VAV3: variants seen among roughly 807,000 people sequenced by gnomAD.
The protein encoded by VAV3 is vav guanine nucleotide exchange factor 3, also known as guanine nucleotide exchange factor VAV3.
In VAV3, 94 loss-of-function variants were observed where a neutral mutation model predicts 131.2. That is an observed-to-expected ratio of 0.72 (90% CI 0.61 to 0.85). The LOEUF (loss-of-function observed/expected upper bound fraction) is 0.85, where lower values mean the gene tolerates loss of function less well. Among genes scored for constraint, VAV3 ranks in the 40% least tolerant of loss-of-function variants. VAV3 has a pLI of 0.00. For missense variants in VAV3, 939 were observed against 1,002.7 expected, an observed-to-expected ratio of 0.94 and a Z score of 0.86; for synonymous variants, 349 against 342.0, an observed-to-expected ratio of 1.02 and a Z score of -0.22.
intron 1 of VAV3, among the ~76,000 whole-genome samples, chr1:107,959,827 G>A (rs1674997053): frequency 6.6e-6 from 1 of 152,070 alleles, no homozygotes; most frequent in African/African-American, 2.4e-5. Context: ...ATCATAACTA[G>A]CTCCAGATAT....
chr1:107,574,103 TCAC>T lies in VAV3; in HGVS notation c.2443_2445del (p.Val815del). On this transcript the variant is annotated inframe_deletion, in exon 26 of 27. Transcript: ENST00000370056. ...TTTGCACTCATCTTTGTGTAAATCT[TCAC>T]CACATCTCCTTTCAACAAGGACAAC... 13 of 1,614,166 alleles carry T rather than the reference TCAC, an allele frequency of 8.1e-6. No homozygotes were observed. Among genetic ancestry groups the T allele is most frequent in the Non-Finnish European group, 1.1e-5 (13 of 1,180,024 alleles).
chr1:107,619,603 A>G (rs1653417166), intron 20 of VAV3, among the ~76,000 whole-genome samples: 1 of 152,188 alleles, frequency 6.6e-6, no homozygotes, highest in Non-Finnish European at 1.5e-5. Flanking sequence ...GCTTTAAAAA[A>G]CAAACAAGAC....
intron 12 of VAV3, 103 bp from the exon 13 acceptor site, chr1:107,751,305 A>C: frequency 4.4e-6 from 4 of 902,656 alleles, no homozygotes; most frequent in Non-Finnish European, 5.1e-6. Flanking sequence ...TATTACATTA[A>C]AATGTTACCA....
intron 2 of VAV3, among the ~76,000 whole-genome samples, chr1:107,806,858 T>C (rs981988961): frequency 1.3e-5 from 2 of 152,230 alleles, no homozygotes; most frequent in Non-Finnish European, 2.9e-5. Flanking sequence ...AAGTCCCTGA[T>C]ATAAAATGAC....
chr1:107,811,312 G>C (rs1667305273), intron 2 of VAV3, among the ~76,000 whole-genome samples: 1 of 151,910 alleles, frequency 6.6e-6, no homozygotes, highest in South Asian at 2.1e-4. Flanking sequence ...GGAAGAATGA[G>C]CTTGACCACC....
chr1:107,720,428 T>TAAATA (rs1220503756), intron 15 of VAV3, among the ~76,000 whole-genome samples: 547 of 114,606 alleles, frequency 4.8e-3, no homozygotes, highest in South Asian at 0.012. Context: ...AATAAATAAA[T>TAAATA]AAAAGTTCCA....
intron 5 of VAV3, 94 bp downstream of exon 5, chr1:107,772,641 A>C: frequency 9.0e-7 from 1 of 1,109,538 alleles, no homozygotes; most frequent in Non-Finnish European, 1.3e-6. Context: ...AAAGGTTAAA[A>C]AAAATCCCAG....
chr1:107,782,128 C>A (rs1665722692), intron 2 of VAV3, among the ~76,000 whole-genome samples: 1 of 152,094 alleles, frequency 6.6e-6, no homozygotes, highest in South Asian at 2.1e-4. Context: ...GTGGTCCCAG[C>A]ATATATCACT....
intron 15 of VAV3, among the ~76,000 whole-genome samples, chr1:107,723,349 C>A (rs894508113): frequency 6.6e-6 from 1 of 152,046 alleles, no homozygotes; most frequent in Non-Finnish European, 1.5e-5. Flanking sequence ...TTTCTCTCCA[C>A]ACAAATTCAC....
At chr1:107,628,642 C>A (rs982349689) in intron 20 of VAV3, among the ~76,000 whole-genome samples, 8 of 152,178 alleles carry the variant, frequency 5.3e-5, no homozygotes, top group South Asian at 2.1e-4. Context: ...ACTATTTTTT[C>A]TACCAAAAAA....
At chr1:107,587,751 G>A (rs557469770) in intron 25 of VAV3, among the ~76,000 whole-genome samples, 51 of 151,984 alleles carry the variant, frequency 3.4e-4, no homozygotes, top group Admixed American at 1.5e-3. Context: ...CCACCACACC[G>A]GGCTAATTTT....
chr1:107,759,287 A>G (rs992055601), intron 10 of VAV3, among the ~76,000 whole-genome samples: 5 of 152,210 alleles, frequency 3.3e-5, no homozygotes, highest in African/African-American at 1.2e-4. Context: ...GAATCTATTA[A>G]GTATAATAAA....
chr1:107,822,506 A>G (rs999388434), intron 2 of VAV3, among the ~76,000 whole-genome samples: 3 of 151,656 alleles, frequency 2.0e-5, no homozygotes, highest in Non-Finnish European at 4.4e-5. Context: ...TACAAAAAAA[A>G]CAGCCGGGCA....
chr1:107,717,092 T>C (rs1046163440), intron 15 of VAV3, among the ~76,000 whole-genome samples: 1 of 152,200 alleles, frequency 6.6e-6, no homozygotes, highest in Admixed American at 6.5e-5. Flanking sequence ...ATATCCCCTT[T>C]ATCATTTTTA....
At chr1:107,648,740 A>G (rs979115479) in intron 19 of VAV3, among the ~76,000 whole-genome samples, 2 of 152,094 alleles carry the variant, frequency 1.3e-5, no homozygotes, top group African/African-American at 4.8e-5. Context: ...GTCAACAGCT[A>G]ATCAGAAGCA....
chr1:107,705,418 G>C (rs756174164), intron 15 of VAV3, among the ~76,000 whole-genome samples: 1 of 150,936 alleles, frequency 6.6e-6, no homozygotes, highest in Non-Finnish European at 1.5e-5. Context: ...CTGTAGCCAC[G>C]CCACTGAAAT....
intron 21 of VAV3, among the ~76,000 whole-genome samples, chr1:107,615,459 A>G (rs1653077514): frequency 6.6e-6 from 1 of 152,202 alleles, no homozygotes; most frequent in Non-Finnish European, 1.5e-5. Flanking sequence ...CTCGAGATGG[A>G]TTGAAGACAA....
At chr1:107,590,413 G>C (rs1294478679) in intron 25 of VAV3, among the ~76,000 whole-genome samples, 1 of 152,102 alleles carries the variant, frequency 6.6e-6, no homozygotes, top group Non-Finnish European at 1.5e-5. Flanking sequence ...CTGGCTTCTA[G>C]GGCTCCAGCA....
At chr1:107,867,545 T>A (rs1440512681) in intron 2 of VAV3, among the ~76,000 whole-genome samples, 2 of 152,268 alleles carry the variant, frequency 1.3e-5, no homozygotes, top group African/African-American at 4.8e-5. Flanking sequence ...TAGGGAAGGC[T>A]AGAAGCTGTT....
Sources: allele counts gnomAD v4.1 joint callset (sites outside exome capture counted in the v4.1 genomes callset), GRCh38; gene constraint gnomAD v4.1.1; transcripts MANE v1.5; gene names NCBI Gene and HGNC (gene_info 2026-07-23, HGNC 2026-07-21).